Variants in MED12L observed in about 807,000 individuals in gnomAD.
MED12L encodes mediator of RNA polymerase II transcription subunit 12-like protein.
In MED12L, 60 loss-of-function variants were observed where a neutral mutation model predicts 281.3. The ratio of observed to expected loss-of-function variants is 0.21; its 90% confidence interval spans 0.17 to 0.26. The LOEUF (loss-of-function observed/expected upper bound fraction) is 0.26, where lower values mean the gene tolerates loss of function less well. Among genes scored for constraint, MED12L ranks in the 10% least tolerant of loss-of-function variants. The pLI, the probability that MED12L is intolerant of heterozygous loss-of-function variation, is 1.00. For missense variants in MED12L, 2,146 were observed against 2,680.9 expected, an observed-to-expected ratio of 0.80 and a Z score of 4.41; for synonymous variants, 974 against 987.2, an observed-to-expected ratio of 0.99 and a Z score of 0.25.
At chr3:151,221,103 A>G (rs772448070) in intron 16 of MED12L, among the ~76,000 whole-genome samples, 1 of 152,192 alleles carries the variant, frequency 6.6e-6, no homozygotes, top group Admixed American at 6.5e-5. Flanking sequence ...TTTAGCAAAG[A>G]GACTGGAGGC....
At chr3:151,286,370 A>G in intron 16 of MED12L, among the ~76,000 whole-genome samples, 1 of 152,334 alleles carries the variant, frequency 6.6e-6, no homozygotes. Flanking sequence ...ATTAGAATTT[A>G]AATTATTTAT....
At chr3:151,320,619 T>G (rs1184674046) in intron 16 of MED12L, among the ~76,000 whole-genome samples, 1 of 152,152 alleles carries the variant, frequency 6.6e-6, no homozygotes. Flanking sequence ...AGGTCTGCTT[T>G]ACACGAAACA....
rs1197525859 is a variant in MED12L at position 151,390,142 on chromosome 3, G to T, written c.5608+7G>T. The T allele has an allele frequency of 1.4e-5, 23 of 1,613,830 alleles. No homozygotes were observed. The highest frequency in any genetic ancestry group is 1.9e-5 in the Non-Finnish European group (22 of 1,179,876). On this transcript the variant is annotated splice_region_variant and intron_variant, in intron 38 of 44. Transcript: ENST00000687756. ...AACCAATCTCTTACTCCAGGTATGT[G>T]ATGAGAAAGCACAGATCACTCAGAG...
intron 26 of MED12L, 39 bp downstream of exon 26, chr3:151,369,588 C>G: frequency 1.5e-6 from 2 of 1,335,638 alleles, no homozygotes; most frequent in Non-Finnish European, 2.1e-6. Flanking sequence ...GGTTAATCAC[C>G]AGAAATGAAG....
At chr3:151,263,324 T>A (rs1739249768) in intron 16 of MED12L, among the ~76,000 whole-genome samples, 1 of 152,220 alleles carries the variant, frequency 6.6e-6, no homozygotes, top group Admixed American at 6.5e-5. Flanking sequence ...CTTGTGAGCA[T>A]CTGTTTCATT....
chr3:151,347,358 G>A (rs990228115), intron 16 of MED12L, among the ~76,000 whole-genome samples: 2 of 152,148 alleles, frequency 1.3e-5, no homozygotes, highest in Non-Finnish European at 2.9e-5. Flanking sequence ...CTATTAAGGA[G>A]ATTATAAAAA....
At chr3:151,317,550 A>C (rs1748445463) in intron 16 of MED12L, among the ~76,000 whole-genome samples, 1 of 141,254 alleles carries the variant, frequency 7.1e-6, no homozygotes, top group African/African-American at 2.7e-5. Flanking sequence ...TCCCGGATTC[A>C]AGTGATTCTC....
intron 16 of MED12L, among the ~76,000 whole-genome samples, chr3:151,196,651 C>A (rs1441962053): frequency 6.6e-6 from 1 of 152,196 alleles, no homozygotes. Context: ...CTACAGCCTG[C>A]AACTGAGGTA....
chr3:151,349,204 T>C (rs1752930063), intron 16 of MED12L, among the ~76,000 whole-genome samples: 1 of 152,230 alleles, frequency 6.6e-6, no homozygotes, highest in Non-Finnish European at 1.5e-5. Context: ...TGTTCAGTGG[T>C]GTGCATATGC....
In MED12L at chr3:151,192,593, C is replaced by T; in HGVS notation, c.2012C>T (p.Thr671Ile). The T allele has an allele frequency of 1.3e-6, 2 of 1,536,342 alleles. No individual in the cohort carries two copies. The highest frequency in any genetic ancestry group is 1.7e-6 in the Non-Finnish European group (2 of 1,146,896). Residue 671 changes from threonine to isoleucine, a missense_variant, in exon 15 of 45, where the codon ACT becomes ATT. Around this residue, in one of 9 missense-constraint regions of MED12L, gnomAD observed 722 missense variants for 861.2 expected, o/e 0.84. Coordinates refer to ENST00000687756, the MANE Select transcript of MED12L (RefSeq NM_001393769.1). ...MAHMGIDSGTTNIFDEVDKSD... is the reference protein window; with the variant it reads ...MAHMGIDSGTINIFDEVDKSD... ...CATATGGGCATTGACTCAGGAACCA[C>T]TAACATTTTTGATGAAGTAGACAAG...
intron 16 of MED12L, among the ~76,000 whole-genome samples, chr3:151,313,198 A>G (rs976812476): frequency 3.0e-4 from 46 of 152,146 alleles, no homozygotes; most frequent in Admixed American, 6.6e-5. Context: ...CTGCCTGCAC[A>G]GAAGTTTGGT....
intron 16 of MED12L, among the ~76,000 whole-genome samples, chr3:151,251,900 C>A (rs2149453397): frequency 6.6e-6 from 1 of 152,270 alleles, no homozygotes; most frequent in South Asian, 2.1e-4. Context: ...TACATGGAAT[C>A]ACCTTAAAAA....
chr3:151,328,008 T>C, intron 16 of MED12L: 2 of 1,575,882 alleles, frequency 1.3e-6, no homozygotes, highest in Non-Finnish European at 1.7e-6. Flanking sequence ...AAGGTTATGT[T>C]GTCTGTCTGA....
At chr3:151,188,680 TTAAAA>T (rs1371052341) in intron 13 of MED12L, among the ~76,000 whole-genome samples, 200 bp downstream of exon 13, 2 of 152,254 alleles carry the variant, frequency 1.3e-5, no homozygotes, top group Non-Finnish European at 2.9e-5. Flanking sequence ...TTCAAAGACT[TTAAAA>T]TAATTGTTAA....
intron 16 of MED12L, among the ~76,000 whole-genome samples, chr3:151,214,495 C>A (rs188370993): frequency 1.3e-5 from 2 of 152,122 alleles, no homozygotes; most frequent in African/African-American, 4.8e-5. Flanking sequence ...ATCCCTCCCT[C>A]CCTCTGTTCT....
At chr3:151,300,438 T>C (rs986826213) in intron 16 of MED12L, among the ~76,000 whole-genome samples, 1 of 152,150 alleles carries the variant, frequency 6.6e-6, no homozygotes, top group Admixed American at 6.5e-5. Context: ...CTTCACAACA[T>C]CTTAATAAAG....
At chr3:151,207,183 G>A (rs996735886) in intron 16 of MED12L, among the ~76,000 whole-genome samples, 1 of 151,924 alleles carries the variant, frequency 6.6e-6, no homozygotes, top group African/African-American at 2.4e-5. Flanking sequence ...TCAGCCTCCT[G>A]AGTAACTAGG....
chr3:151,105,301 C>T (rs1230475458), intron 2 of MED12L, among the ~76,000 whole-genome samples: 1 of 152,186 alleles, frequency 6.6e-6, no homozygotes, highest in Non-Finnish European at 1.5e-5. Flanking sequence ...CATCTTAGAT[C>T]TCCTACCTTA....
intron 39 of MED12L, among the ~76,000 whole-genome samples, chr3:151,397,036 A>G (rs1298994145): frequency 1.3e-5 from 2 of 152,188 alleles, no homozygotes; most frequent in East Asian, 1.9e-4. Flanking sequence ...CGACAGTTGT[A>G]CTGCTTGTAC....
Sources: allele counts gnomAD v4.1 joint callset (sites outside exome capture counted in the v4.1 genomes callset), GRCh38; gene constraint gnomAD v4.1.1; regional missense constraint gnomAD v4.1.1; transcripts MANE v1.5; gene names NCBI Gene and HGNC (gene_info 2026-07-23, HGNC 2026-07-21).